The following IMPG1 variants were observed in gnomAD, a reference collection of about 807,000 sequenced individuals.
IMPG1 encodes interphotoreceptor matrix proteoglycan 1.
A neutral mutation model predicts 92.0 loss-of-function variants in IMPG1; 85 were observed. The ratio of observed to expected loss-of-function variants is 0.92; its 90% CI spans 0.78 to 1.11. The LOEUF is 1.11. IMPG1 is among the 50% of genes least tolerant of loss of function. The pLI, the probability that IMPG1 is intolerant of heterozygous loss-of-function variation, is 0.00. For missense variants in IMPG1, 1,022 were observed against 956.0 expected, an observed-to-expected ratio of 1.07 and a Z score of -0.91; for synonymous variants, 367 against 334.1, an observed-to-expected ratio of 1.10 and a Z score of -1.08.
chr6:75,983,108 A>G (rs1034007198), intron 12 of IMPG1, among the ~76,000 whole-genome samples: 3 of 151,896 alleles, frequency 2.0e-5, no homozygotes, highest in Non-Finnish European at 2.9e-5. Context: ...ACTATCTCAA[A>G]TGATTATGCA....
chr6:76,035,017 C>CGTGT lies in IMPG1; in HGVS notation c.302-234_302-231dup, dbSNP rs986842155. Among the ~76,000 whole-genome samples, 26 of 146,076 alleles carry CGTGT rather than the reference C, an allele frequency of 1.8e-4. 1 individual carries two copies. In the South Asian group the frequency reaches 4.1e-3, roughly 23 times the overall value. ...TTATGTGCGTGTGTGTGTGTGTGTG[C>CGTGT]GTGTGTGTGTGTGTGCAAAACTGCA... On this transcript the variant is annotated intron_variant, in intron 2 of 16. Transcript: ENST00000369950.
intron 12 of IMPG1, among the ~76,000 whole-genome samples, chr6:75,986,239 C>T (rs1487702253): frequency 6.6e-6 from 1 of 152,170 alleles, no homozygotes; most frequent in African/African-American, 2.4e-5. Context: ...ACTTGCTTCA[C>T]TCTAATCCCA....
chr6:76,018,805 G>A lies in IMPG1; in HGVS notation c.720C>T (p.Val240=). Residue 240 remains valine (V), a synonymous_variant, in exon 7 of 17, where the codon GTC becomes GTT. Transcript: ENST00000369950. Reference sequence around the variant, plus strand: ...CCTTGAACTTCTGGTTTACCAGAGAGACGCTGAGCTCCACCCTCTGCTCCT... The same window carrying A: ...CCTTGAACTTCTGGTTTACCAGAGAAACGCTGAGCTCCACCCTCTGCTCCT... ...VLEEQRVELS[V]SLVNQKFKAE... The A allele has an allele frequency of 6.2e-7, 1 of 1,612,482 alleles. No homozygotes were observed. The highest frequency in any genetic ancestry group is 8.5e-7 in the Non-Finnish European group (1 of 1,179,254).
intron 12 of IMPG1, among the ~76,000 whole-genome samples, chr6:75,968,151 A>T (rs1162603339): frequency 2.6e-5 from 4 of 152,228 alleles, no homozygotes; most frequent in African/African-American, 4.8e-5. Context: ...TGGAGTGTGG[A>T]GGAGTGAAGA....
At chr6:75,980,721 C>T (rs1782612743) in intron 12 of IMPG1, among the ~76,000 whole-genome samples, 1 of 152,174 alleles carries the variant, frequency 6.6e-6, no homozygotes, top group Non-Finnish European at 1.5e-5. Context: ...TGTTGGCTTC[C>T]CTACTTTTGA....
chr6:75,986,106 C>T (rs1395111963), intron 12 of IMPG1, among the ~76,000 whole-genome samples: 1 of 151,920 alleles, frequency 6.6e-6, no homozygotes, highest in Admixed American at 6.6e-5. Flanking sequence ...AATGATGAAC[C>T]ATGTACCATG....
intron 6 of IMPG1, among the ~76,000 whole-genome samples, chr6:76,019,189 T>A (rs894050713): frequency 2.0e-5 from 3 of 152,044 alleles, no homozygotes; most frequent in Non-Finnish European, 4.4e-5. Context: ...CTGGACTTGG[T>A]CTCCATCACT....
At chr6:75,930,059 T>C (rs943793136) in intron 15 of IMPG1, among the ~76,000 whole-genome samples, 30 of 152,220 alleles carry the variant, frequency 2.0e-4, no homozygotes, top group Admixed American at 2.0e-4. Flanking sequence ...GGTTGCATTA[T>C]ATAGAAACTT....
intron 8 of IMPG1, among the ~76,000 whole-genome samples, chr6:76,008,996 TTCAC>T (rs1397197779): frequency 6.6e-6 from 1 of 152,228 alleles, no homozygotes; most frequent in Non-Finnish European, 1.5e-5. Flanking sequence ...TTTGGCTTCT[TTCAC>T]TCAACGAAGT....
chr6:76,057,559 A>G (rs932961004), intron 1 of IMPG1, among the ~76,000 whole-genome samples: 9 of 152,150 alleles, frequency 5.9e-5, no homozygotes, highest in African/African-American at 2.2e-4. Context: ...TAACAAATTT[A>G]AAAGAAAGAC....
At chr6:75,970,079 C>G (rs976955514) in intron 12 of IMPG1, among the ~76,000 whole-genome samples, 4 of 152,056 alleles carry the variant, frequency 2.6e-5, no homozygotes, top group African/African-American at 9.7e-5. Context: ...GGATAATAAA[C>G]TATTATTTAT....
At chr6:76,008,622 T>C (rs760831939) in intron 8 of IMPG1, among the ~76,000 whole-genome samples, 7 of 152,216 alleles carry the variant, frequency 4.6e-5, no homozygotes, top group Non-Finnish European at 7.3e-5. Flanking sequence ...TCTTGCTTGT[T>C]TTCAGCAATA....
rs1017472059 is a variant in IMPG1 at position 76,017,968 on chromosome 6, G to A, written c.807+750C>T. Among the ~76,000 whole-genome samples the A allele has an allele frequency of 3.3e-5, 5 of 152,024 alleles. No individual in the cohort carries two copies. In the East Asian group the frequency reaches 9.7e-4, roughly 29 times the overall value. On this transcript the variant is annotated intron_variant, in intron 7 of 16. Coordinates refer to ENST00000369950, the MANE Select transcript of IMPG1 (RefSeq NM_001563.4). ...GGATTTTGCCATGTTGGCCAGGCTG[G>A]TATCGAATTCCTGATCCACCCGCCT...
At chr6:75,922,538 G>A (rs1781447609) in intron 16 of IMPG1, among the ~76,000 whole-genome samples, 1 of 152,146 alleles carries the variant, frequency 6.6e-6, no homozygotes, top group Admixed American at 6.5e-5. Flanking sequence ...CACATAGCCA[G>A]GAATAATCAG....
intron 7 of IMPG1, among the ~76,000 whole-genome samples, chr6:76,016,309 T>A (rs752170570): frequency 4.3e-4 from 66 of 152,228 alleles, no homozygotes; most frequent in Non-Finnish European, 7.3e-4. Flanking sequence ...CAGATTGTTG[T>A]AAGTGTTTAG....
At chr6:75,932,250 A>AG (rs1209877514) in intron 14 of IMPG1, among the ~76,000 whole-genome samples, 1 of 152,176 alleles carries the variant, frequency 6.6e-6, no homozygotes, top group Non-Finnish European at 1.5e-5. Context: ...CAGAGCCCCA[A>AG]GGGGGAGCTA....
In IMPG1 at chr6:76,016,022, G is replaced by A. The variant is rs536700825; in HGVS notation, c.807+2696C>T. Among the ~76,000 whole-genome samples, 6 of 152,158 alleles carry A rather than the reference G, an allele frequency of 3.9e-5. No individual in the cohort carries two copies. The South Asian group carries it at 1.2e-3, about 32-fold the overall frequency. On this transcript the variant is annotated intron_variant, in intron 7 of 16. Transcript: ENST00000369950. ...TGGACATATTAATCTCCTTTCCTCA[G>A]TTACCTCTTACAAAAAGAGGAAATA...
chr6:76,045,297 G>A (rs967515196), intron 1 of IMPG1, among the ~76,000 whole-genome samples: 5 of 152,012 alleles, frequency 3.3e-5, no homozygotes, highest in Non-Finnish European at 5.9e-5. Flanking sequence ...CTTCCTTTGG[G>A]TTGAAAATTA....
At chr6:75,957,012 C>T (rs963318812) in intron 12 of IMPG1, among the ~76,000 whole-genome samples, 1 of 152,024 alleles carries the variant, frequency 6.6e-6, no homozygotes, top group Non-Finnish European at 1.5e-5. Flanking sequence ...TTCTGCCTCC[C>T]GGGTTTAAGC....
Sources: gnomAD v4.1 joint callset for allele counts (sites outside exome capture counted in the v4.1 genomes callset) on GRCh38, gnomAD v4.1.1 for gene constraint, MANE v1.5 for transcripts, NCBI Gene and HGNC (gene_info 2026-07-23, HGNC 2026-07-21) for gene names.